Variants in KLHL2 observed in about 807,000 individuals in gnomAD.
KLHL2 encodes kelch-like protein 2.
A neutral mutation model predicts 75.8 loss-of-function variants in KLHL2; 15 were observed. That is an observed-to-expected ratio of 0.20 (90% confidence interval 0.13 to 0.30). The LOEUF (loss-of-function observed/expected upper bound fraction) is 0.30. Ranked by LOEUF, KLHL2 falls within the 10% of genes least tolerant of loss-of-function variation. The pLI is 1.00. For missense variants in KLHL2, 381 were observed against 741.0 expected (o/e 0.51, Z 5.64); for synonymous variants, 214 against 251.9 (o/e 0.85, Z 1.42).
At chr4:165,284,703 T>C (rs1020027320) in intron 5 of KLHL2, among the ~76,000 whole-genome samples, 8 of 152,232 alleles carry the variant, frequency 5.3e-5, no homozygotes, top group African/African-American at 1.9e-4. Flanking sequence ...GTATCTTTTC[T>C]GCAGCACCCC....
At chr4:165,261,296 C>T (rs1741652153) in intron 4 of KLHL2, among the ~76,000 whole-genome samples, 2 of 152,180 alleles carry the variant, frequency 1.3e-5, no homozygotes, top group Non-Finnish European at 2.9e-5. Context: ...CTATACATAT[C>T]ATGCAAAAAG....
At chr4:165,247,714 A>G (rs1469532308) in intron 4 of KLHL2, among the ~76,000 whole-genome samples, 2 of 152,222 alleles carry the variant, frequency 1.3e-5, no homozygotes, top group Non-Finnish European at 2.9e-5. Context: ...GCATATAATT[A>G]TAAAGGCTGT....
At chr4:165,279,131 C>A (rs1459808409) in intron 5 of KLHL2, 1 of 1,602,028 alleles carries the variant, frequency 6.2e-7, no homozygotes, top group Non-Finnish European at 8.6e-7. Context: ...AAAAAGAGCT[C>A]GTTTTTCTTC....
chr4:165,207,828 C>A lies in KLHL2; in HGVS notation c.-49C>A, dbSNP rs1291131768. 7.0e-7 allele frequency: 1 copy of A among 1,430,728 alleles called. No individual in the cohort carries two copies. Among genetic ancestry groups the A allele is most frequent in the Non-Finnish European group, 9.2e-7 (1 of 1,081,826 alleles). The allele number at this position is 1,430,728 out of a possible 1,614,324, so 88.6% of individuals were successfully genotyped here. A position where few individuals can be genotyped will look rare whatever the true frequency, so the allele number is the denominator to read the frequency against. The stretch of plus-strand genomic sequence containing the variant: ...GCCGGCGTCCGCGGCTGGAATGGTG[C>A]TGGCTGTGTTGGTCGGTGCCTGCGT... On this transcript the variant is annotated 5_prime_UTR_variant, in exon 1 of 15. The change creates a new upstream start codon in the 5' untranslated region. Transcript: ENST00000226725. The surrounding 1 kb of genome is among the most constrained non-coding windows in gnomAD (Gnocchi z 4.2).
At chr4:165,232,962 CATCATGTA>C (rs2111062841) in intron 3 of KLHL2, among the ~76,000 whole-genome samples, 1 of 121,148 alleles carries the variant, frequency 8.3e-6, no homozygotes, top group South Asian at 2.8e-4. Context: ...TTCCACCAAA[CATCATGTA>C]CATTTACATT....
In KLHL2 at chr4:165,299,485, T is replaced by C. The variant is rs773319491; in HGVS notation, c.772-22T>C. On this transcript the variant is annotated intron_variant, in intron 7 of 14. Transcript: ENST00000226725. ...ATGAAATAGCCCTACCCTCAGTGGG[T>C]GTGTCTGATTTCTTGTTACAGAGGG... The C allele has an allele frequency of 2.5e-6, 4 of 1,589,084 alleles. No individual in the cohort carries two copies. The Admixed American group carries it at 7.2e-5, about 28-fold the overall frequency.
intron 6 of KLHL2, among the ~76,000 whole-genome samples, chr4:165,296,467 C>T (rs1243832808): frequency 6.6e-6 from 1 of 152,208 alleles, no homozygotes; most frequent in African/African-American, 2.4e-5. Context: ...TGCACAGTGT[C>T]CCTTCCTCCG....
intron 4 of KLHL2, among the ~76,000 whole-genome samples, chr4:165,251,427 C>T (rs72699596): frequency 9.5e-3 from 1,248 of 131,802 alleles, no homozygotes; most frequent in East Asian, 0.017. Flanking sequence ...CCAACTAGAA[C>T]ATCCATTCTC....
intron 5 of KLHL2, among the ~76,000 whole-genome samples, chr4:165,277,205 A>G (rs1743191550): frequency 6.6e-6 from 1 of 152,158 alleles, no homozygotes; most frequent in South Asian, 2.1e-4. Context: ...TAAATGGGCT[A>G]CCCTCAGTGT....
chr4:165,226,022 C>T (rs751277551), intron 2 of KLHL2, among the ~76,000 whole-genome samples: 1 of 152,122 alleles, frequency 6.6e-6, no homozygotes, highest in African/African-American at 2.4e-5. Context: ...TAATTGAAAC[C>T]AAATGTAATT....
chr4:165,255,827 C>G (rs1324946823), intron 4 of KLHL2, among the ~76,000 whole-genome samples: 1 of 152,130 alleles, frequency 6.6e-6, no homozygotes, highest in East Asian at 1.9e-4. Context: ...ACAACAAAAG[C>G]TGTCTTTTCA....
intron 5 of KLHL2, among the ~76,000 whole-genome samples, chr4:165,264,713 TATATATAC>T (rs1190846733): frequency 6.7e-5 from 5 of 74,448 alleles, no homozygotes; most frequent in African/African-American, 2.6e-4. Context: ...TGTATATATA[TATATATAC>T]ATATATATAT....
At chr4:165,314,992 T>C (rs1404310876) in intron 13 of KLHL2, among the ~76,000 whole-genome samples, 1 of 152,160 alleles carries the variant, frequency 6.6e-6, no homozygotes, top group African/African-American at 2.4e-5. Context: ...AGACTAAGTA[T>C]GTGGAACTGC....
At chr4:165,274,482 G>A (rs1411861537) in intron 5 of KLHL2, among the ~76,000 whole-genome samples, 2 of 152,162 alleles carry the variant, frequency 1.3e-5, no homozygotes, top group African/African-American at 4.8e-5. Context: ...GGTTGCAGGA[G>A]CCTGTAGTCC....
At chr4:165,300,611 A>T (rs1310446475) in intron 8 of KLHL2, among the ~76,000 whole-genome samples, 1 of 152,064 alleles carries the variant, frequency 6.6e-6, no homozygotes, top group Admixed American at 6.6e-5. Context: ...TTATGAAATA[A>T]CCCCTCATTT....
chr4:165,322,188 G>T lies in KLHL2; in HGVS notation c.*128G>T. On this transcript the variant is annotated 3_prime_UTR_variant, in exon 15 of 15. Coordinates refer to ENST00000226725, the MANE Select transcript of KLHL2 (RefSeq NM_007246.4). Reference sequence around the variant, plus strand: ...TTAAGTCTCAGCAGAAGATACGATCGTCTGCCTTTATAGGCCTCAGATACT... The same window carrying T: ...TTAAGTCTCAGCAGAAGATACGATCTTCTGCCTTTATAGGCCTCAGATACT... The T allele has an allele frequency of 1.1e-6, 1 of 908,486 alleles. No homozygotes were observed. The highest frequency in any genetic ancestry group is 1.6e-5 in the African/African-American group (1 of 61,200). 56.3% of individuals were successfully genotyped at this position (908,486 alleles called of 1,614,324 possible). A position where few individuals can be genotyped will look rare whatever the true frequency, so the allele number is the denominator to read the frequency against.
intron 5 of KLHL2, among the ~76,000 whole-genome samples, chr4:165,290,361 C>G (rs1465245120): frequency 3.3e-5 from 5 of 152,036 alleles, no homozygotes; most frequent in Non-Finnish European, 5.9e-5. Context: ...TCTTGAACCC[C>G]TGGACTCAAG....
chr4:165,289,509 GTTTTTTTTTT>G (rs1194080743), intron 5 of KLHL2, among the ~76,000 whole-genome samples: 21 of 112,954 alleles, frequency 1.9e-4, no homozygotes, highest in Non-Finnish European at 3.4e-4. Flanking sequence ...TTTTGGTTTG[GTTTTTTTTTT>G]TTTTTTTTTT....
At chr4:165,315,500 T>A (rs907442651) in intron 13 of KLHL2, among the ~76,000 whole-genome samples, 1 of 152,198 alleles carries the variant, frequency 6.6e-6, no homozygotes, top group Non-Finnish European at 1.5e-5. Context: ...GAAAGCTTAC[T>A]TTTCAGTTTG....
Sources: gnomAD v4.1 joint callset for allele counts (sites outside exome capture counted in the v4.1 genomes callset) on GRCh38, gnomAD v4.1.1 for gene constraint, Gnocchi (gnomAD v3.1) non-coding constraint, MANE v1.5 for transcripts, NCBI Gene and HGNC (gene_info 2026-07-23, HGNC 2026-07-21) for gene names.